Variants in TMEM63B observed in about 807,000 individuals in gnomAD.
TMEM63B encodes mechanosensitive cation channel TMEM63B.
In TMEM63B, 23 loss-of-function variants were observed where a neutral mutation model predicts 102.6. That is an observed-to-expected ratio of 0.22 (90% CI 0.16 to 0.32). The LOEUF (loss-of-function observed/expected upper bound fraction) is 0.32. Ranked by LOEUF, TMEM63B falls within the 10% of genes least tolerant of loss-of-function variation. TMEM63B has a pLI of 1.00. For synonymous variants in TMEM63B, 444 were observed against 437.0 expected, an observed-to-expected ratio of 1.02 and a Z score of -0.20; for missense variants, 628 against 1,095.9, an observed-to-expected ratio of 0.57 and a Z score of 6.03.
At chr6:44,153,473 GGA>G (rs112657360) in intron 20 of TMEM63B, among the ~76,000 whole-genome samples, 1 of 152,164 alleles carries the variant, frequency 6.6e-6, no homozygotes, top group Admixed American at 6.6e-5. Context: ...TTCCTGATGA[GGA>G]GAGTAGAATG....
At chr6:44,134,323 G>T in intron 1 of TMEM63B, 1 of 487,092 alleles carries the variant, frequency 2.1e-6, no homozygotes, top group South Asian at 3.6e-5. Flanking sequence ...CCCAGTCCAG[G>T]CCTGGCATCT....
At position 44,154,583 on chromosome 6, in the gene TMEM63B, CCCCCG is replaced by C. The variant is rs1210281083; in HGVS notation, c.2308-104_2308-100del. ...GAGAGCTGGTCTCCCTGGAGGGCTG[CCCCCG>C]CCCCCCAGGGCCCTGCCCACTCTGC... On this transcript the variant is annotated intron_variant, in intron 23 of 23. Transcript: ENST00000323267. 2.1e-6 allele frequency: 3 copies of C among 1,430,658 alleles called. No individual in the cohort carries two copies. The African/African-American group carries it at 4.3e-5, about 20-fold the overall frequency. 88.6% of individuals were successfully genotyped at this position (1,430,658 alleles called of 1,614,324 possible). A position where few individuals can be genotyped will look rare whatever the true frequency, so the allele number is the denominator to read the frequency against.
intron 9 of TMEM63B, 146 bp from the exon 10 acceptor site, chr6:44,140,882 C>T (rs937801589): frequency 7.2e-6 from 5 of 695,296 alleles, no homozygotes; most frequent in South Asian, 4.8e-5. Context: ...CTAAGGCCTC[C>T]TCCCACCCCA....
In TMEM63B at chr6:44,151,974, C is replaced by T; in HGVS notation, c.1802C>T (p.Ala601Val). 11 of 1,611,224 alleles carry T rather than the reference C, an allele frequency of 6.8e-6. No individual in the cohort carries two copies. The highest frequency in any genetic ancestry group is 9.3e-6 in the Non-Finnish European group (11 of 1,178,698). The change falls in exon 19 of 24, where the codon GCG becomes GTG. Residue 601 changes from alanine (A) to valine (V), a missense_variant. Physicochemically the swap from Ala to Val is moderately conservative, Grantham distance 64. Coordinates refer to ENST00000323267, the MANE Select transcript of TMEM63B (RefSeq NM_018426.3). ...LLMYMIRLCL[A>V]RSAAERRNVK... ...ATGTACATGATCCGGCTCTGCCTGG[C>T]GCGCTCGGCCGCCGAGAGGCGCAAC...
chr6:44,154,282 G>A (rs559014152), intron 22 of TMEM63B, 83 bp from the exon 23 acceptor site: 104 of 1,598,778 alleles, frequency 6.5e-5, no homozygotes, highest in Admixed American at 1.0e-4. Context: ...TGAGGGCAGC[G>A]CCAACAGGGC....
In TMEM63B at chr6:44,138,759, C is replaced by G. The variant is rs546941293; in HGVS notation, c.407+242C>G. ...CGGCCCCCCCGCTTCTCTCCCTGCCCTGCCCCACCTTGAGGGAGGGGGTGG... is the reference window on the plus strand; with the variant it reads ...CGGCCCCCCCGCTTCTCTCCCTGCCGTGCCCCACCTTGAGGGAGGGGGTGG... On this transcript the variant is annotated intron_variant, in intron 6 of 23. Coordinates refer to ENST00000323267, the MANE Select transcript of TMEM63B (RefSeq NM_018426.3). 9.4e-6 allele frequency: 4 copies of G among 424,778 alleles called. No homozygotes were observed. The East Asian group carries it at 1.8e-4, about 19-fold the overall frequency. 26.3% of individuals were successfully genotyped at this position (424,778 alleles called of 1,614,324 possible).
At chr6:44,141,991 G>A (rs376533246) in intron 10 of TMEM63B, among the ~76,000 whole-genome samples, 355 of 151,848 alleles carry the variant, frequency 2.3e-3, no homozygotes, top group African/African-American at 7.6e-3. Flanking sequence ...GTGTGGTGGC[G>A]TGCGCCTGTA....
chr6:44,139,638 G>A lies in TMEM63B; in HGVS notation c.550+29G>A, dbSNP rs1364488571. ...AGTGAGGGCCAGGACGGCTAGGGTG[G>A]AGAGAGGATGGGGCTGGAGGGGATG... On this transcript the variant is annotated intron_variant, in intron 7 of 23. Coordinates refer to ENST00000323267, the MANE Select transcript of TMEM63B (RefSeq NM_018426.3). 4 of 1,614,054 alleles carry A rather than the reference G, an allele frequency of 2.5e-6. No individual in the cohort carries two copies. In the African/African-American group the frequency reaches 5.3e-5, roughly 22 times the overall value.
rs1418607927 is a variant in TMEM63B at position 44,140,828 on chromosome 6, T to TA, written c.712-200_712-199insA. Among the ~76,000 whole-genome samples, 14 of 152,234 alleles carry TA rather than the reference T, an allele frequency of 9.2e-5. No homozygotes were observed. The East Asian group carries it at 2.7e-3, about 29-fold the overall frequency. ...GTTAGGCTCACTGCCTGATTTCTGT[T>TA]GGAAACACTCCCCTGCTTTCCCTGG... On this transcript the variant is annotated intron_variant, in intron 9 of 23. Transcript: ENST00000323267.
At chr6:44,131,476 T>G (rs1052596960) in intron 1 of TMEM63B, among the ~76,000 whole-genome samples, 1 of 151,998 alleles carries the variant, frequency 6.6e-6, no homozygotes, top group African/African-American at 2.4e-5. Context: ...ATCCCAGCAC[T>G]TTGGGAGGCC....
chr6:44,127,099 T>A (rs1286786010), upstream of TMEM63B: 3 of 146,602 alleles, frequency 2.0e-5, no homozygotes, highest in African/African-American at 7.6e-5. Context: ...GACTTGGGGG[T>A]CGCAGAAGCA....
intron 10 of TMEM63B, among the ~76,000 whole-genome samples, chr6:44,144,762 A>C (rs1271863779): frequency 1.3e-5 from 2 of 151,456 alleles, no homozygotes; most frequent in African/African-American, 2.4e-5. Flanking sequence ...ACACCTGGCT[A>C]ATTTTTTTTT....
Position 44,153,740 on chromosome 6 carries a change from G to T in TMEM63B, c.2007G>T (p.Pro669=), listed in dbSNP as rs764029672. The part of the protein sequence containing the change: ...DRYNLYYAYL[P]AKLDKKIHSG... ...ACAATCTCTACTACGCCTACCTGCC[G>T]GCCAAGCTGGACAAGAAGATCCACT... The change falls in exon 21 of 24, where the codon CCG becomes CCT. Residue 669 remains proline, a synonymous_variant. Coordinates refer to ENST00000323267, the MANE Select transcript of TMEM63B (RefSeq NM_018426.3). The T allele has an allele frequency of 6.2e-7, 1 of 1,614,126 alleles. No individual in the cohort carries two copies. The highest frequency in any genetic ancestry group is 8.5e-7 in the Non-Finnish European group (1 of 1,180,018).
At chr6:44,131,569 A>C (rs1004007288) in intron 1 of TMEM63B, among the ~76,000 whole-genome samples, 4 of 152,148 alleles carry the variant, frequency 2.6e-5, no homozygotes, top group East Asian at 3.9e-4. Flanking sequence ...AAATACAAAA[A>C]TTAGCTGGGC....
chr6:44,155,102 AAG>A lies in TMEM63B; in HGVS notation c.*222_*223del, dbSNP rs1339024865. 2.4e-5 allele frequency: 10 copies of A among 415,452 alleles called. No individual in the cohort carries two copies. Among genetic ancestry groups the A allele is most frequent in the South Asian group, 4.8e-5 (1 of 20,754 alleles). 25.7% of individuals were successfully genotyped at this position (415,452 alleles called of 1,614,324 possible). On this transcript the variant is annotated 3_prime_UTR_variant, in exon 24 of 24. Transcript: ENST00000323267. ...AGAGCCCCGAGCCGGCCCCGGGGCAAAGAGGGGTGCAGAGGGAGTTCCCCCAG... is the reference window on the plus strand; with the variant it reads ...AGAGCCCCGAGCCGGCCCCGGGGCAAAGGGGTGCAGAGGGAGTTCCCCCAG...
chr6:44,147,618 C>T (rs1228089345), intron 12 of TMEM63B, 118 bp downstream of exon 12: 32 of 1,410,678 alleles, frequency 2.3e-5, no homozygotes, highest in African/African-American at 4.3e-5. Context: ...AGCCTCAGTT[C>T]CCACTGTTGG....
In TMEM63B at chr6:44,141,011, A is replaced by C; in HGVS notation, c.712-17A>C. 6.2e-7 allele frequency: 1 copy of C among 1,612,768 alleles called. No homozygotes were observed. Among genetic ancestry groups the C allele is most frequent in the Non-Finnish European group, 8.5e-7 (1 of 1,179,622 alleles). On this transcript the variant is annotated splice_polypyrimidine_tract_variant and intron_variant, in intron 9 of 23. Transcript: ENST00000323267. ...GGGTCAAGCCTCAGAAGGCAAACCC[A>C]CTCCCCTGTCACCCAGGTGAAGCGG...
At chr6:44,138,928 A>G (rs1176651783) in intron 6 of TMEM63B, 2 of 268,340 alleles carry the variant, frequency 7.5e-6, no homozygotes, top group Non-Finnish European at 1.5e-5. Context: ...GGAAGCCAGG[A>G]CAGGTCAGCA....
chr6:44,135,105 C>G lies in TMEM63B; in HGVS notation c.239+9C>G, dbSNP rs1294554353. The G allele has an allele frequency of 1.2e-6, 2 of 1,614,038 alleles. No individual in the cohort carries two copies. Among genetic ancestry groups the G allele is most frequent in the African/African-American group, 1.3e-5 (1 of 74,944 alleles). The stretch of plus-strand genomic sequence containing the variant: ...GTGACAGATGCAGACAGGTAAGGGT[C>G]TGGGACCCTCCCTCTAGCTCTCCAC... On this transcript the variant is annotated intron_variant, in intron 3 of 23. Coordinates refer to ENST00000323267, the MANE Select transcript of TMEM63B (RefSeq NM_018426.3).
Sources: allele counts gnomAD v4.1 joint callset (sites outside exome capture counted in the v4.1 genomes callset), GRCh38; gene constraint gnomAD v4.1.1; transcripts MANE v1.5; gene names NCBI Gene and HGNC (gene_info 2026-07-23, HGNC 2026-07-21).